The following SUSD5 variants were observed in gnomAD, a reference collection of about 807,000 sequenced individuals.
SUSD5 encodes sushi domain containing 5, also known as sushi domain-containing protein 5.
In SUSD5, 33 loss-of-function variants were observed where a neutral mutation model predicts 29.5. The ratio of observed to expected loss-of-function variants is 1.12; its 90% CI spans 0.85 to 1.49. The LOEUF is 1.49. Among genes scored for constraint, SUSD5 ranks in the 40% most tolerant of loss-of-function variants. The pLI, the probability that SUSD5 is intolerant of heterozygous loss-of-function variation, is 0.00. For missense variants in SUSD5, 776 were observed against 800.6 expected, an observed-to-expected ratio of 0.97 and a Z score of 0.37; for synonymous variants, 308 against 325.3, an observed-to-expected ratio of 0.95 and a Z score of 0.57.
At chr3:33,168,790 C>T (rs535064012) in intron 4 of SUSD5, among the ~76,000 whole-genome samples, 4 of 152,232 alleles carry the variant, frequency 2.6e-5, no homozygotes, top group Non-Finnish European at 4.4e-5. Context: ...GCTGGGACTA[C>T]AGGCATGTGC....
chr3:33,174,579 AGGTTTCCAGG>A, intron 4 of SUSD5, among the ~76,000 whole-genome samples: 1 of 152,356 alleles, frequency 6.6e-6, no homozygotes. Flanking sequence ...CGACTTGACC[AGGTTTCCAGG>A]GAAATAAACT....
In SUSD5 at chr3:33,218,759, G is replaced by A; in HGVS notation, c.39C>T (p.His13=). Residue 13 remains histidine (H), a synonymous_variant, in exon 1 of 5, where the codon CAC becomes CAT. Transcript: ENST00000309558. ...CCGCCCAGAGCCCGGGGAGGCGTCT[G>A]TGCCAACGGGCAGGCGGGCTGGGTC... ...AEGPSPPARW[H]RRLPGLWAAA... 1 of 1,422,744 alleles carries A rather than the reference G, an allele frequency of 7.0e-7. No individual in the cohort carries two copies. The highest frequency in any genetic ancestry group is 9.1e-7 in the Non-Finnish European group (1 of 1,095,624). The allele number at this position is 1,422,744 out of a possible 1,614,324, so 88.1% of individuals were successfully genotyped here. A position where few individuals can be genotyped will look rare whatever the true frequency, so the allele number is the denominator to read the frequency against.
Position 33,152,470 on chromosome 3 carries a change from A to G in SUSD5, c.*272T>C, listed in dbSNP as rs1002227889. The G allele has an allele frequency of 3.3e-5, 14 of 420,630 alleles. No homozygotes were observed. The highest frequency in any genetic ancestry group is 5.5e-5 in the Non-Finnish European group (13 of 237,990). The allele number at this position is 420,630 out of a possible 1,614,324, so 26.1% of individuals were successfully genotyped here. A position where few individuals can be genotyped will look rare whatever the true frequency, so the allele number is the denominator to read the frequency against. On this transcript the variant is annotated 3_prime_UTR_variant, in exon 5 of 5. Coordinates refer to ENST00000309558, the MANE Select transcript of SUSD5 (RefSeq NM_015551.2). ...GAAGGAAGAGGCGATTTTTGACCTC[A>G]CACTGGAAACAGGGCCCAAGCACAG...
Position 33,175,060 on chromosome 3 carries a change from C to G in SUSD5, c.424G>C (p.Asp142His). ...CIKDEEKPCG[D>H]PPSFPHTILQ... Reference sequence around the variant, plus strand: ...ATGGTGTGTGGGAACGAAGGCGGGTCTCCACACGGCTTCTCTGAGGAGAAG... The same window carrying G: ...ATGGTGTGTGGGAACGAAGGCGGGTGTCCACACGGCTTCTCTGAGGAGAAG... The change falls in exon 4 of 5, where the codon GAC (aspartate) becomes CAC (histidine). Residue 142 changes from aspartate to histidine, a missense_variant. Transcript: ENST00000309558. The G allele has an allele frequency of 6.2e-7, 1 of 1,613,994 alleles. No homozygotes were observed. The highest frequency in any genetic ancestry group is 1.3e-5 in the African/African-American group (1 of 75,054).
intron 4 of SUSD5, among the ~76,000 whole-genome samples, chr3:33,161,724 T>A (rs1266924761): frequency 6.6e-6 from 1 of 152,028 alleles, no homozygotes; most frequent in African/African-American, 2.4e-5. Context: ...AGGCAAAAAA[T>A]ACTTAGTAGA....
At chr3:33,180,435 A>G (rs2031644271) in intron 3 of SUSD5, among the ~76,000 whole-genome samples, 1 of 152,184 alleles carries the variant, frequency 6.6e-6, no homozygotes, top group Non-Finnish European at 1.5e-5. Flanking sequence ...ATCATGGCTC[A>G]CTGTAATCTT....
chr3:33,216,477 G>A (rs769174093), intron 1 of SUSD5, among the ~76,000 whole-genome samples: 4 of 152,074 alleles, frequency 2.6e-5, no homozygotes, highest in Middle Eastern at 3.2e-3. Context: ...ACCATCATAC[G>A]TTTGATATCA....
chr3:33,215,901 A>G (rs574422947), intron 1 of SUSD5, among the ~76,000 whole-genome samples: 34 of 152,330 alleles, frequency 2.2e-4, no homozygotes, highest in Admixed American at 2.0e-3. Context: ...AGTATGGTTG[A>G]GAATCAATGA....
chr3:33,153,337 G>A lies in SUSD5; in HGVS notation c.1295C>T (p.Thr432Ile), dbSNP rs2030961680. 1.9e-6 allele frequency: 3 copies of A among 1,613,814 alleles called. No homozygotes were observed. Among genetic ancestry groups the A allele is most frequent in the Non-Finnish European group, 2.5e-6 (3 of 1,179,882 alleles). ...TTGAGATGGAAGAACTGAACTATGG[G>A]TCATGCCCTCGCTTGGTGTGAGGGT... ...SSTLTPSEGM[T>I]HSSVLPSQML... The change falls in exon 5 of 5, where the codon ACC (threonine) becomes ATC (isoleucine). Residue 432 changes from threonine to isoleucine, a missense_variant. Thr to Ile is a moderately conservative substitution (Grantham distance 89, BLOSUM62 -1). Transcript: ENST00000309558.
At chr3:33,161,207 T>A (rs963957925) in intron 4 of SUSD5, among the ~76,000 whole-genome samples, 1 of 152,148 alleles carries the variant, frequency 6.6e-6, no homozygotes, top group Non-Finnish European at 1.5e-5. Flanking sequence ...ACAATATTCA[T>A]TCAGAACATT....
chr3:33,206,348 T>C (rs2032217665), intron 3 of SUSD5, among the ~76,000 whole-genome samples: 1 of 151,920 alleles, frequency 6.6e-6, no homozygotes, highest in Admixed American at 6.6e-5. Context: ...CACTCCAGCC[T>C]GGGCGACAAG....
chr3:33,203,513 C>T (rs187527853), intron 3 of SUSD5, among the ~76,000 whole-genome samples: 116 of 152,312 alleles, frequency 7.6e-4, no homozygotes, highest in Non-Finnish European at 1.4e-3. Context: ...GACGCAGGGC[C>T]CTCGAGCACT....
chr3:33,210,976 C>T (rs374469862), intron 2 of SUSD5, among the ~76,000 whole-genome samples: 4 of 152,080 alleles, frequency 2.6e-5, no homozygotes, highest in East Asian at 1.9e-4. Flanking sequence ...CTGGTTCAAG[C>T]GATTCTCCTG....
rs971022610 is a variant in SUSD5 at position 33,204,989 on chromosome 3, C to CCA, written c.409+2817_409+2818dup. On this transcript the variant is annotated intron_variant, in intron 3 of 4. Coordinates refer to ENST00000309558, the MANE Select transcript of SUSD5 (RefSeq NM_015551.2). This position sits in a 1 kb window ranked among gnomAD's most constrained non-coding sequence, Gnocchi z 4.5. ...CTCCACACCTCTTCCTCTCTCCACA[C>CCA]CACACACACACACGTGTGTGTGTAT... 4.6e-5 allele frequency among the ~76,000 whole-genome samples: 7 copies of CCA among 151,584 alleles called. No homozygotes were observed. The highest frequency in any genetic ancestry group is 2.1e-4 in the South Asian group (1 of 4,770).
intron 3 of SUSD5, among the ~76,000 whole-genome samples, chr3:33,196,279 T>C (rs140141757): frequency 3.0e-4 from 46 of 152,292 alleles, no homozygotes; most frequent in African/African-American, 1.1e-3. Context: ...TATGAGCCTG[T>C]ATTTGCCCAC....
chr3:33,209,782 G>C (rs2032289393), intron 2 of SUSD5, among the ~76,000 whole-genome samples: 1 of 151,546 alleles, frequency 6.6e-6, no homozygotes, highest in Admixed American at 6.6e-5. Flanking sequence ...CAAGTAGCTG[G>C]GACTATAGGC....
intron 2 of SUSD5, among the ~76,000 whole-genome samples, chr3:33,209,308 G>C (rs1158782338): frequency 6.6e-6 from 1 of 152,056 alleles, no homozygotes; most frequent in African/African-American, 2.4e-5. Context: ...AGGGATTCTT[G>C]AATCTGTGTC....
chr3:33,179,814 A>G (rs2031632282), intron 3 of SUSD5, among the ~76,000 whole-genome samples: 1 of 152,194 alleles, frequency 6.6e-6, no homozygotes, highest in African/African-American at 2.4e-5. Context: ...TATTACAGTC[A>G]TGTGCCACAT....
chr3:33,179,724 T>C, intron 3 of SUSD5, among the ~76,000 whole-genome samples: 1 of 152,238 alleles, frequency 6.6e-6, no homozygotes. Flanking sequence ...GCTTATCCAT[T>C]TTATTGCTCT....
Sources: allele counts gnomAD v4.1 joint callset (sites outside exome capture counted in the v4.1 genomes callset), GRCh38; gene constraint gnomAD v4.1.1; non-coding constraint Gnocchi (gnomAD v3.1); transcripts MANE v1.5; gene names NCBI Gene and HGNC (gene_info 2026-07-23, HGNC 2026-07-21).